Variants in TRIM33 observed in about 807,000 individuals in gnomAD.
TRIM33 encodes E3 ubiquitin-protein ligase TRIM33.
Under a neutral mutation model 125.4 loss-of-function variants are expected in TRIM33, and 20 were observed. That is an observed-to-expected ratio of 0.16 (90% CI 0.11 to 0.23). The LOEUF (loss-of-function observed/expected upper bound fraction) is 0.23, where lower values mean the gene tolerates loss of function less well. TRIM33 is among the 10% of genes least tolerant of loss of function. TRIM33 has a pLI of 1.00. For missense variants in TRIM33, 920 were observed against 1,411.4 expected (o/e 0.65, Z 5.58); for synonymous variants, 564 against 513.9 (o/e 1.10, Z -1.32).
chr1:114,441,708 T>A lies in TRIM33; in HGVS notation c.924-7975A>T, dbSNP rs145237552. On this transcript the variant is annotated intron_variant, in intron 4 of 19. Coordinates refer to ENST00000358465, the MANE Select transcript of TRIM33 (RefSeq NM_015906.4). ...TAATAAAATTTTCACATGGGATACT[T>A]CTCAACCCATCTGCCCTCTTTGCCA... Among the ~76,000 whole-genome samples, 15 of 152,224 alleles carry A rather than the reference T, an allele frequency of 9.9e-5. No homozygotes were observed. In the East Asian group the frequency reaches 2.9e-3, roughly 29 times the overall value.
intron 2 of TRIM33, 49 bp from the exon 3 acceptor site, chr1:114,463,605 A>T: frequency 9.0e-7 from 1 of 1,113,762 alleles, no homozygotes; most frequent in Non-Finnish European, 1.3e-6. Flanking sequence ...TAAAATCTAG[A>T]TCTAAAAAAA....
intron 1 of TRIM33, among the ~76,000 whole-genome samples, chr1:114,484,333 TA>T (rs1454333785): frequency 6.6e-6 from 1 of 151,550 alleles, no homozygotes; most frequent in Non-Finnish European, 1.5e-5. Context: ...ATTGAACTGG[TA>T]AAAAAATAAA....
intron 1 of TRIM33, among the ~76,000 whole-genome samples, chr1:114,486,517 A>G (rs1651699575): frequency 6.9e-6 from 1 of 144,608 alleles, no homozygotes; most frequent in Non-Finnish European, 1.5e-5. Context: ...ACTGCACTCC[A>G]GCCTGGGCAA....
At chr1:114,464,463 C>A (rs994309927) in intron 1 of TRIM33, 75 bp from the exon 2 acceptor site, 3 of 792,748 alleles carry the variant, frequency 3.8e-6, no homozygotes, top group Non-Finnish European at 6.0e-6. Flanking sequence ...CATATAGAAA[C>A]ATTAATTCAT....
intron 5 of TRIM33, among the ~76,000 whole-genome samples, chr1:114,431,960 T>C (rs1028168094): frequency 9.9e-5 from 15 of 152,052 alleles, no homozygotes; most frequent in Non-Finnish European, 1.8e-4. Flanking sequence ...AGTTAGAGAG[T>C]AGTTAGTCTC....
intron 1 of TRIM33, among the ~76,000 whole-genome samples, chr1:114,495,859 C>T (rs1034359072): frequency 3.3e-5 from 5 of 152,166 alleles, no homozygotes; most frequent in Non-Finnish European, 7.3e-5. Context: ...CATATTTCAA[C>T]AAATATCTGG....
chr1:114,422,665 T>G (rs1211473156), intron 10 of TRIM33, among the ~76,000 whole-genome samples: 2 of 149,744 alleles, frequency 1.3e-5, no homozygotes, highest in East Asian at 3.9e-4. Context: ...AAAAAAAACC[T>G]GTAGAAATAA....
intron 4 of TRIM33, among the ~76,000 whole-genome samples, chr1:114,461,325 A>ATATT (rs1649987826): frequency 3.7e-5 from 5 of 135,144 alleles, no homozygotes; most frequent in South Asian, 2.3e-4. Flanking sequence ...ATATATATAT[A>ATATT]TTTTAAGTAC....
intron 11 of TRIM33, among the ~76,000 whole-genome samples, chr1:114,420,879 C>T (rs1415504428): frequency 2.0e-5 from 3 of 152,136 alleles, no homozygotes; most frequent in Non-Finnish European, 1.5e-5. Flanking sequence ...AAATTTATAT[C>T]CAAAAGAACT....
At chr1:114,456,154 T>C (rs989344295) in intron 4 of TRIM33, among the ~76,000 whole-genome samples, 9 of 152,176 alleles carry the variant, frequency 5.9e-5, no homozygotes, top group Admixed American at 5.9e-4. Flanking sequence ...GGATAGACAG[T>C]ATGTTTGACT....
intron 1 of TRIM33, among the ~76,000 whole-genome samples, chr1:114,500,353 C>T (rs888835591): frequency 6.6e-6 from 1 of 151,918 alleles, no homozygotes; most frequent in Non-Finnish European, 1.5e-5. Context: ...GAGATGGCGG[C>T]GTCTCTCTGT....
At chr1:114,409,037 T>G (rs1652419068) in intron 12 of TRIM33, among the ~76,000 whole-genome samples, 1 of 152,204 alleles carries the variant, frequency 6.6e-6, no homozygotes, top group African/African-American at 2.4e-5. Context: ...ATATTCTACT[T>G]AGGTTCCCAT....
chr1:114,416,605 A>G (rs1417753080), intron 11 of TRIM33, among the ~76,000 whole-genome samples: 1 of 151,948 alleles, frequency 6.6e-6, no homozygotes, highest in African/African-American at 2.4e-5. Flanking sequence ...CAACAAATAT[A>G]TCTCATATCT....
chr1:114,401,671 A>C (rs1373796719), intron 16 of TRIM33, among the ~76,000 whole-genome samples: 3 of 149,860 alleles, frequency 2.0e-5, no homozygotes. Flanking sequence ...TTCTACTTTA[A>C]GTAAGAATGG....
chr1:114,510,710 C>G lies in TRIM33; in HGVS notation c.367G>C (p.Asp123His). Reference protein sequence around the residue: ...PPPGPPASLLDTCAVCQQSLQ... With the variant: ...PPPGPPASLLHTCAVCQQSLQ... ...CTCTGCTGACACACGGCGCAGGTGT[C>G]CAGGAGCGAGGCTGGCGGTCCAGGA... The change falls in exon 1 of 20, where the codon GAC becomes CAC. Residue 123 changes from aspartate to histidine, a missense_variant. Physicochemically the swap from Asp to His is moderately conservative, Grantham distance 81 (BLOSUM62 -1). Around this residue, in one of 8 missense-constraint regions of TRIM33, gnomAD observed 233 missense variants for 189.6 expected, o/e 1.23. Coordinates refer to ENST00000358465, the MANE Select transcript of TRIM33 (RefSeq NM_015906.4). The G allele has an allele frequency of 6.5e-7, 1 of 1,539,828 alleles. No homozygotes were observed.
chr1:114,494,816 C>T (rs750254880), intron 1 of TRIM33, among the ~76,000 whole-genome samples: 1 of 152,182 alleles, frequency 6.6e-6, no homozygotes, highest in African/African-American at 2.4e-5. Context: ...AAATTAATTA[C>T]ATCCACCTTA....
chr1:114,473,353 C>G (rs1349115861), intron 1 of TRIM33, among the ~76,000 whole-genome samples: 1 of 151,888 alleles, frequency 6.6e-6, no homozygotes, highest in Non-Finnish European at 1.5e-5. Context: ...TGAACGCACA[C>G]CTGGACAAGG....
At chr1:114,503,635 T>A (rs1652833341) in intron 1 of TRIM33, among the ~76,000 whole-genome samples, 1 of 152,200 alleles carries the variant, frequency 6.6e-6, no homozygotes, top group Admixed American at 6.5e-5. Context: ...CGTTCATTAA[T>A]ATCACCACCA....
At position 114,421,501 on chromosome 1, in the gene TRIM33, C is replaced by T. The variant is rs1462979658; in HGVS notation, c.1996G>A (p.Glu666Lys). 1.2e-6 allele frequency: 2 copies of T among 1,614,024 alleles called. No homozygotes were observed. Reference sequence around the variant, plus strand: ...GGATTGGTAACTGAGGGGATTAGCTCTATTGCTGTAACAGATGGGCTGGTG... The same window carrying T: ...GGATTGGTAACTGAGGGGATTAGCTTTATTGCTGTAACAGATGGGCTGGTG... The part of the protein sequence containing the change: ...GPTSPSVTAI[E>K]LIPSVTNPEN... Residue 666 changes from glutamate to lysine, a missense_variant, in exon 11 of 20, where the codon GAG becomes AAG. Transcript: ENST00000358465.
Sources: gnomAD v4.1 joint callset for allele counts (sites outside exome capture counted in the v4.1 genomes callset) on GRCh38, gnomAD v4.1.1 for gene constraint, gnomAD v4.1.1 regional missense constraint, MANE v1.5 for transcripts, NCBI Gene and HGNC (gene_info 2026-07-23, HGNC 2026-07-21) for gene names.